Variants in PRKCA observed in about 807,000 individuals in gnomAD.
PRKCA encodes the protein protein kinase C alpha type.
In PRKCA, 27 loss-of-function variants were observed where a neutral mutation model predicts 87.0. The ratio of observed to expected loss-of-function variants is 0.31; its 90% confidence interval spans 0.23 to 0.43. PRKCA has a LOEUF of 0.43. PRKCA is among the 20% of genes least tolerant of loss of function. The pLI is 1.00. For synonymous variants in PRKCA, 329 were observed against 311.1 expected, an observed-to-expected ratio of 1.06 and a Z score of -0.61; for missense variants, 518 against 852.3, an observed-to-expected ratio of 0.61 and a Z score of 4.88.
At chr17:66,780,775 G>C (rs1323311586) in intron 14 of PRKCA, among the ~76,000 whole-genome samples, 1 of 152,082 alleles carries the variant, frequency 6.6e-6, no homozygotes, top group East Asian at 1.9e-4. Context: ...TTTTTTCGTA[G>C]ACTTCCCTTC....
At chr17:66,745,462 A>G (rs1220575703) in intron 13 of PRKCA, among the ~76,000 whole-genome samples, 1 of 151,602 alleles carries the variant, frequency 6.6e-6, no homozygotes, top group African/African-American at 2.4e-5. Flanking sequence ...AGGTGGATCA[A>G]TTGAGGTGGA....
intron 5 of PRKCA, among the ~76,000 whole-genome samples, chr17:66,653,753 A>G (rs1971652889): frequency 6.6e-6 from 1 of 150,902 alleles, no homozygotes; most frequent in Admixed American, 6.6e-5. Flanking sequence ...GCCTACTTTA[A>G]AGACACCAGC....
intron 2 of PRKCA, among the ~76,000 whole-genome samples, chr17:66,401,734 G>A (rs1911044320): frequency 6.6e-6 from 1 of 152,210 alleles, no homozygotes; most frequent in African/African-American, 2.4e-5. Context: ...CCGGTTAAGT[G>A]TATGAGTGGT....
chr17:66,673,486 G>A (rs534576190), intron 5 of PRKCA, among the ~76,000 whole-genome samples: 5 of 152,308 alleles, frequency 3.3e-5, no homozygotes, highest in East Asian at 3.9e-4. Context: ...CTGATCAGGT[G>A]TATTTTTAGT....
intron 3 of PRKCA, among the ~76,000 whole-genome samples, chr17:66,633,233 C>A (rs1598831116): frequency 6.6e-6 from 1 of 152,044 alleles, no homozygotes; most frequent in Non-Finnish European, 1.5e-5. Flanking sequence ...CCACCCTGAT[C>A]ATATGACTTG....
chr17:66,370,228 C>CTTTTT (rs35851942), intron 2 of PRKCA, among the ~76,000 whole-genome samples: 49 of 112,240 alleles, frequency 4.4e-4, no homozygotes, highest in Non-Finnish European at 5.1e-4. Context: ...TATTTTGATA[C>CTTTTT]TTTTTTTTTT....
At chr17:66,618,600 G>A (rs2143680096) in intron 3 of PRKCA, among the ~76,000 whole-genome samples, 1 of 152,288 alleles carries the variant, frequency 6.6e-6, no homozygotes, top group Non-Finnish European at 1.5e-5. Context: ...CTGGGACATT[G>A]AATAGCTCTG....
chr17:66,528,221 CAAAA>C (rs60533049), intron 3 of PRKCA, among the ~76,000 whole-genome samples: 32,479 of 85,146 alleles, frequency 0.38, 3,660 homozygotes, highest in South Asian at 0.52. Flanking sequence ...AACTCTGTCT[CAAAA>C]AAAAAAAAAA....
intron 9 of PRKCA, among the ~76,000 whole-genome samples, chr17:66,734,699 C>G (rs61760356): frequency 0.2 from 30,284 of 152,078 alleles, 3,738 homozygotes; most frequent in Middle Eastern, 0.32. Flanking sequence ...GGGAATGCGG[C>G]CCAGCAGATC....
At chr17:66,605,138 A>G (rs1331069923) in intron 3 of PRKCA, among the ~76,000 whole-genome samples, 2 of 152,198 alleles carry the variant, frequency 1.3e-5, no homozygotes, top group African/African-American at 4.8e-5. Context: ...CACAGACTGC[A>G]TTGTTTTATT....
intron 8 of PRKCA, among the ~76,000 whole-genome samples, chr17:66,708,638 G>A (rs965322805): frequency 2.0e-5 from 3 of 152,176 alleles, no homozygotes; most frequent in East Asian, 3.9e-4. Context: ...GCAGATGGCA[G>A]TTGGAGATAG....
chr17:66,421,609 T>C (rs1211665334), intron 2 of PRKCA, among the ~76,000 whole-genome samples: 1 of 151,980 alleles, frequency 6.6e-6, no homozygotes, highest in African/African-American at 2.4e-5. Flanking sequence ...CTCAGCTCAC[T>C]GCAGCCTCCA....
At chr17:66,542,259 T>C (rs1968011347) in intron 3 of PRKCA, among the ~76,000 whole-genome samples, 1 of 152,172 alleles carries the variant, frequency 6.6e-6, no homozygotes, top group Non-Finnish European at 1.5e-5. Context: ...ATTTTCACGA[T>C]GTGGTTTGCA....
chr17:66,571,064 C>A (rs1969066186), intron 3 of PRKCA, among the ~76,000 whole-genome samples: 1 of 152,186 alleles, frequency 6.6e-6, no homozygotes, highest in South Asian at 2.1e-4. Flanking sequence ...CCACACATTC[C>A]AGAGGGGTTC....
intron 8 of PRKCA, among the ~76,000 whole-genome samples, chr17:66,714,635 C>T (rs949404273): frequency 6.6e-6 from 1 of 152,238 alleles, no homozygotes; most frequent in Non-Finnish European, 1.5e-5. Context: ...CCACCAGCCC[C>T]GAGCTCTGAT....
intron 2 of PRKCA, among the ~76,000 whole-genome samples, chr17:66,417,876 C>T (rs1233705271): frequency 6.6e-6 from 1 of 152,150 alleles, no homozygotes; most frequent in Non-Finnish European, 1.5e-5. Context: ...AGGATGCATG[C>T]AACTGGGATT....
chr17:66,646,153 C>G (rs902877000), intron 5 of PRKCA, among the ~76,000 whole-genome samples: 8 of 152,172 alleles, frequency 5.3e-5, no homozygotes, highest in African/African-American at 1.9e-4. Flanking sequence ...ACTCCAGATA[C>G]TGTGCTTATA....
At chr17:66,796,537 C>G in intron 16 of PRKCA, 1 of 985,372 alleles carries the variant, frequency 1.0e-6, no homozygotes, top group Non-Finnish European at 1.2e-6. Context: ...AATGAGCAAA[C>G]TAACCCCACT....
intron 8 of PRKCA, among the ~76,000 whole-genome samples, chr17:66,707,003 T>G (rs895390757): frequency 9.9e-5 from 15 of 152,154 alleles, no homozygotes; most frequent in African/African-American, 3.6e-4. Flanking sequence ...TCAAAGCTTG[T>G]TAGTGCAGGA....
Sources: allele counts gnomAD v4.1 joint callset (sites outside exome capture counted in the v4.1 genomes callset), GRCh38; gene constraint gnomAD v4.1.1; transcripts MANE v1.5; gene names NCBI Gene and HGNC (gene_info 2026-07-23, HGNC 2026-07-21).